Variants in TNKS observed in about 807,000 individuals in gnomAD.
TNKS encodes the protein tankyrase.
Under a neutral mutation model 135.8 loss-of-function variants are expected in TNKS, and 72 were observed. The ratio of observed to expected loss-of-function variants is 0.53; its 90% confidence interval spans 0.44 to 0.64. TNKS has a LOEUF of 0.64. Ranked by LOEUF, TNKS falls within the 30% of genes least tolerant of loss-of-function variation. The pLI, the probability that TNKS is intolerant of heterozygous loss-of-function variation, is 0.00. For synonymous variants in TNKS, 849 were observed against 649.3 expected (o/e 1.31, Z -4.68); for missense variants, 1,769 against 1,674.0 (o/e 1.06, Z -0.99).
rs1268625033 is a variant in TNKS, at chr8:9,780,119, G to C, written c.*3383G>C. 6.6e-6 allele frequency: 1 copy of C among 152,192 alleles called. No homozygotes were observed. The highest frequency in any genetic ancestry group is 1.9e-4 in the East Asian group (1 of 5,200). 9.4% of individuals were successfully genotyped at this position (152,192 alleles called of 1,614,324 possible). On this transcript the variant is annotated 3_prime_UTR_variant, in exon 27 of 27. Transcript: ENST00000310430. ...TGATATATGCCGGAGAACGGCATTA[G>C]AATGCAATAAGTTGTCTAGGTTTTT... is the stretch of plus-strand genomic sequence containing the variant.
intron 13 of TNKS, among the ~76,000 whole-genome samples, chr8:9,726,928 A>G (rs189016951): frequency 2.6e-4 from 39 of 152,308 alleles, no homozygotes; most frequent in African/African-American, 8.9e-4. Context: ...GTGTGTATGT[A>G]TATAGGTAGA....
In TNKS at chr8:9,556,578, C is replaced by G; in HGVS notation, c.639C>G (p.Ala213=). The change falls in exon 1 of 27, where the codon GCC becomes GCG. Residue 213 remains alanine (A), a synonymous_variant. Coordinates refer to ENST00000310430, the MANE Select transcript of TNKS (RefSeq NM_003747.3). ...DAANVNAKDM[A]GRKSSPLHFA... Reference sequence around the variant, plus strand: ...CAAACGTAAATGCAAAGGACATGGCCGGCCGGAAGTCTTCTCCCCTGCACT... The same window carrying G: ...CAAACGTAAATGCAAAGGACATGGCGGGCCGGAAGTCTTCTCCCCTGCACT... 6.2e-7 allele frequency: 1 copy of G among 1,613,826 alleles called. No individual in the cohort carries two copies. The highest frequency in any genetic ancestry group is 1.1e-5 in the South Asian group (1 of 91,080).
chr8:9,649,284 T>C (rs2128780303), intron 3 of TNKS, among the ~76,000 whole-genome samples: 1 of 152,296 alleles, frequency 6.6e-6, no homozygotes, highest in South Asian at 2.1e-4. Flanking sequence ...TAGCCGTTTG[T>C]GCTAAGCAAA....
intron 1 of TNKS, among the ~76,000 whole-genome samples, chr8:9,561,551 G>A (rs751837949): frequency 1.3e-5 from 2 of 152,100 alleles, no homozygotes; most frequent in African/African-American, 4.8e-5. Context: ...TCTTTTTACT[G>A]CTGAGTAGAT....
intron 3 of TNKS, among the ~76,000 whole-genome samples, chr8:9,635,292 A>T (rs1800468927): frequency 6.6e-6 from 1 of 152,240 alleles, no homozygotes. Context: ...TTGACTATCA[A>T]AGTGTATCAT....
At chr8:9,621,595 T>G (rs1173051599) in intron 3 of TNKS, among the ~76,000 whole-genome samples, 1 of 151,908 alleles carries the variant, frequency 6.6e-6, no homozygotes, top group Admixed American at 6.6e-5. Context: ...CTTATTTTTG[T>G]TTTTTTCTTT....
chr8:9,646,412 A>T lies in TNKS; in HGVS notation c.994+30735A>T, dbSNP rs373288713. Reference sequence around the variant, plus strand: ...TATTATTCTTCATTTTCTAGCTTGTATTATTGCAAATAGAAATCTGTTTCA... The same window carrying T: ...TATTATTCTTCATTTTCTAGCTTGTTTTATTGCAAATAGAAATCTGTTTCA... On this transcript the variant is annotated intron_variant, in intron 3 of 26. Coordinates refer to ENST00000310430, the MANE Select transcript of TNKS (RefSeq NM_003747.3). Among the ~76,000 whole-genome samples the T allele has an allele frequency of 2.0e-5, 3 of 152,046 alleles. No individual in the cohort carries two copies. In the East Asian group the frequency reaches 5.8e-4, roughly 29 times the overall value.
chr8:9,651,280 G>A (rs1183491980), intron 3 of TNKS, among the ~76,000 whole-genome samples: 1 of 152,020 alleles, frequency 6.6e-6, no homozygotes, highest in Non-Finnish European at 1.5e-5. Flanking sequence ...AAAAATAGCA[G>A]CTAAAGTTTA....
chr8:9,717,821 A>G (rs13264850), intron 11 of TNKS, among the ~76,000 whole-genome samples: 14 of 151,886 alleles, frequency 9.2e-5, no homozygotes, highest in Non-Finnish European at 1.6e-4. Flanking sequence ...ATTTATATTC[A>G]GAGGAATAAA....
chr8:9,562,197 TTTA>T (rs1797365930), intron 1 of TNKS, among the ~76,000 whole-genome samples: 1 of 152,138 alleles, frequency 6.6e-6, no homozygotes. Flanking sequence ...TGGGTTATCT[TTTA>T]TTATTAAGTT....
chr8:9,676,682 C>CTG (rs1348132491), intron 3 of TNKS, among the ~76,000 whole-genome samples: 1 of 75,918 alleles, frequency 1.3e-5, no homozygotes, highest in Non-Finnish European at 2.8e-5. Context: ...CCCTCTCTCT[C>CTG]TCTCTGTGTG....
chr8:9,646,489 A>G (rs1388554461), intron 3 of TNKS, among the ~76,000 whole-genome samples: 1 of 151,984 alleles, frequency 6.6e-6, no homozygotes. Context: ...AGATTTTCTC[A>G]TTTTTATACA....
intron 3 of TNKS, among the ~76,000 whole-genome samples, chr8:9,664,579 A>T (rs1462781390): frequency 6.6e-6 from 1 of 152,170 alleles, no homozygotes; most frequent in East Asian, 1.9e-4. Context: ...ATTCCAAGAG[A>T]TTTAGGGGCT....
At chr8:9,698,393 C>CAAAAAAAAAAAAAAAAAAAAAAAA (rs1803628826) in intron 5 of TNKS, among the ~76,000 whole-genome samples, 1 of 41,250 alleles carries the variant, frequency 2.4e-5, no homozygotes, top group African/African-American at 8.6e-5. Context: ...AAAAAAAAAG[C>CAAAAAAAAAAAAAAAAAAAAAAAA]TTAAGTATAT....
chr8:9,656,611 C>CTTTTCTTTT (rs1801382455), intron 3 of TNKS, among the ~76,000 whole-genome samples: 1 of 136,454 alleles, frequency 7.3e-6, no homozygotes, highest in Admixed American at 7.2e-5. Flanking sequence ...AAAGAATTTT[C>CTTTTCTTTT]TTTTTTTTTT....
chr8:9,670,716 T>A (rs977455048), intron 3 of TNKS: 1 of 152,172 alleles, frequency 6.6e-6, no homozygotes, highest in Non-Finnish European at 1.5e-5. Context: ...CTTGTTCCTC[T>A]TGCTTTTTAG....
chr8:9,604,415 A>T (rs1799140338), intron 2 of TNKS, among the ~76,000 whole-genome samples: 1 of 152,118 alleles, frequency 6.6e-6, no homozygotes, highest in Non-Finnish European at 1.5e-5. Context: ...ACAGCTGCAA[A>T]ATAATTGCTT....
intron 20 of TNKS, among the ~76,000 whole-genome samples, chr8:9,757,504 C>G (rs1428239552): frequency 1.3e-5 from 2 of 152,310 alleles, no homozygotes; most frequent in East Asian, 1.9e-4. Context: ...CTTCCCCTGA[C>G]TGATGAGCTC....
chr8:9,642,493 A>G lies in TNKS; in HGVS notation c.994+26816A>G, dbSNP rs998266303. ...GTGGGCTGAGGACAAATAATTTGAA[A>G]TGGTACAAGATAAAGCAGAATGATG... is the stretch of plus-strand genomic sequence containing the variant. On this transcript the variant is annotated intron_variant, in intron 3 of 26. Coordinates refer to ENST00000310430, the MANE Select transcript of TNKS (RefSeq NM_003747.3). Among the ~76,000 whole-genome samples the G allele has an allele frequency of 2.4e-4, 35 of 146,368 alleles. 6 individuals carry two copies. Among genetic ancestry groups the G allele is most frequent in the Admixed American group, 1.4e-3 (20 of 13,932 alleles).
Sources: allele counts gnomAD v4.1 joint callset (sites outside exome capture counted in the v4.1 genomes callset), GRCh38; gene constraint gnomAD v4.1.1; transcripts MANE v1.5; gene names NCBI Gene and HGNC (gene_info 2026-07-23, HGNC 2026-07-21).